Variants in PITPNM1 observed in about 807,000 individuals in gnomAD.
PITPNM1 encodes the protein phosphatidylinositol transfer protein membrane associated 1.
In PITPNM1, 74 loss-of-function variants were observed where a neutral mutation model predicts 133.3. The observed-to-expected ratio is 0.56, with a 90% CI of 0.46 to 0.67. PITPNM1 has a LOEUF of 0.67. PITPNM1 is among the 30% of genes least tolerant of loss of function. The probability of loss-of-function intolerance (pLI) is 0.00; values close to 1 mark genes in which losing one functional copy is unlikely to be tolerated. For missense variants in PITPNM1, 1,398 were observed against 1,739.5 expected (o/e 0.80, Z 3.49); for synonymous variants, 738 against 741.4 (o/e 1.00, Z 0.08).
chr11:67,498,502 C>T lies in PITPNM1; in HGVS notation c.1484+94G>A. ...AGGTCCAGCCATGCCAGTGACCGACCCAGGTGTCTGGCTTCCTGACCCCTT... is the reference window on the plus strand; with the variant it reads ...AGGTCCAGCCATGCCAGTGACCGACTCAGGTGTCTGGCTTCCTGACCCCTT... On this transcript the variant is annotated intron_variant, in intron 10 of 23. Coordinates refer to ENST00000356404, the MANE Select transcript of PITPNM1 (RefSeq NM_004910.3). This position sits in a 1 kb window ranked among gnomAD's most constrained non-coding sequence, Gnocchi z 5.7. 2.0e-6 allele frequency: 3 copies of T among 1,525,502 alleles called. No individual in the cohort carries two copies. The highest frequency in any genetic ancestry group is 2.6e-6 in the Non-Finnish European group (3 of 1,133,718). The allele number at this position is 1,525,502 out of a possible 1,614,324, so 94.5% of individuals were successfully genotyped here. A position where few individuals can be genotyped will look rare whatever the true frequency, so the allele number is the denominator to read the frequency against.
At chr11:67,499,558 C>CA in intron 8 of PITPNM1, 165 bp downstream of exon 8, 1 of 123,760 alleles carries the variant, frequency 8.1e-6, no homozygotes, top group Non-Finnish European at 1.5e-5. Context: ...TCCATCCATC[C>CA]ACCCATCCAT....
rs1451801303 is a variant in PITPNM1, at chr11:67,499,900, G to GCCTC, written c.1063+10_1063+13dup. 1 of 1,607,294 alleles carries GCCTC rather than the reference G, an allele frequency of 6.2e-7. No homozygotes were observed. The highest frequency in any genetic ancestry group is 1.7e-5 in the Admixed American group (1 of 59,932). ...GGGGACATCCCCACTCCCAAAAAGG[G>GCCTC]CCTCAGTGCTGACCGTGGGCATCAA... On this transcript the variant is annotated intron_variant, in intron 7 of 23. Transcript: ENST00000356404.
intron 23 of PITPNM1, 152 bp from the exon 24 acceptor site, chr11:67,492,448 C>T: frequency 3.9e-6 from 3 of 774,952 alleles, no homozygotes; most frequent in Non-Finnish European, 5.9e-6. Flanking sequence ...GATAGGACCC[C>T]AGGCTGGGAG....
chr11:67,494,222 G>A lies in PITPNM1; in HGVS notation c.2859+22C>T, dbSNP rs752852839. On this transcript the variant is annotated intron_variant, in intron 19 of 23. Coordinates refer to ENST00000356404, the MANE Select transcript of PITPNM1 (RefSeq NM_004910.3). ...AGGAGATGGGGCCATGGGACCAGGCGACAGGGCCTCTGGGTCCTGACCTTC... is the reference window on the plus strand; with the variant it reads ...AGGAGATGGGGCCATGGGACCAGGCAACAGGGCCTCTGGGTCCTGACCTTC... 1.1e-5 allele frequency: 17 copies of A among 1,602,524 alleles called. No homozygotes were observed. The South Asian group carries it at 1.2e-4, about 11-fold the overall frequency.
intron 23 of PITPNM1, 94 bp from the exon 24 acceptor site, chr11:67,492,390 G>C (rs1865958568): frequency 7.7e-7 from 1 of 1,306,958 alleles, no homozygotes; most frequent in South Asian, 1.5e-5. Context: ...GGCAGGCTGG[G>C]GGACTGGTGG....
rs777089832 is a variant in PITPNM1, at chr11:67,497,324, G to T, written c.2053C>A (p.Arg685Ser). 6.2e-7 allele frequency: 1 copy of T among 1,611,862 alleles called. No individual in the cohort carries two copies. The highest frequency in any genetic ancestry group is 2.2e-5 in the East Asian group (1 of 44,862). Reference protein sequence around the residue: ...EAPDGPSSTARLDFKVSGFFL... With the variant: ...EAPDGPSSTASLDFKVSGFFL... ...AAGCCAGAGACCTTGAAGTCAAGGC[G>T]GGCAGTGCTGCTGGGGCCGTCAGGT... The change falls in exon 14 of 24, where the codon CGC (arginine) becomes AGC (serine). Residue 685 changes from arginine (R) to serine (S), a missense_variant. Physicochemically the swap from Arg to Ser is moderately radical, Grantham distance 110. Coordinates refer to ENST00000356404, the MANE Select transcript of PITPNM1 (RefSeq NM_004910.3).
rs763975761 is a variant in PITPNM1 at position 67,498,148 on chromosome 11, G to A, written c.1659C>T (p.Ala553=). The part of the protein sequence containing the change: ...YSAFLRSPEG[A]GFCGQVALIG... ...AACCGCTGACCTGCCCACAGAAGCCGGCACCCTCAGGTGAGCGCAGGAAGG... is the reference window on the plus strand; with the variant it reads ...AACCGCTGACCTGCCCACAGAAGCCAGCACCCTCAGGTGAGCGCAGGAAGG... Residue 553 remains alanine, a synonymous_variant, in exon 11 of 24, where the codon GCC becomes GCT. Coordinates refer to ENST00000356404, the MANE Select transcript of PITPNM1 (RefSeq NM_004910.3). The surrounding 1 kb of genome is among the most constrained non-coding windows in gnomAD (Gnocchi z 5.7). 3.7e-6 allele frequency: 6 copies of A among 1,612,806 alleles called. No homozygotes were observed. The East Asian group carries it at 6.7e-5, about 18-fold the overall frequency.
rs558592732 is a variant in PITPNM1 at position 67,502,139 on chromosome 11, C to T, written c.416-53G>A. ...GCGCCAGCCCCTTTGAGCCCCCGCT[C>T]CTGGCACCCTCTTGGGACTGGATGA... On this transcript the variant is annotated intron_variant, in intron 4 of 23. Transcript: ENST00000356404. This position sits in a 1 kb window ranked among gnomAD's most constrained non-coding sequence, Gnocchi z 5.9. 6.4e-7 allele frequency: 1 copy of T among 1,574,660 alleles called. No homozygotes were observed. Among genetic ancestry groups the T allele is most frequent in the South Asian group, 1.1e-5 (1 of 87,922 alleles).
At position 67,502,332 on chromosome 11, in the gene PITPNM1, G is replaced by C; in HGVS notation, c.375C>G (p.Val125=). The change falls in exon 4 of 24, where the codon GTC becomes GTG. Residue 125 remains valine, a synonymous_variant. Coordinates refer to ENST00000356404, the MANE Select transcript of PITPNM1 (RefSeq NM_004910.3). This position sits in a 1 kb window ranked among gnomAD's most constrained non-coding sequence, Gnocchi z 5.9. ...YLPDGGQQPN[V]FNLSGAERRQ... The stretch of plus-strand genomic sequence containing the variant: ...TCCTCTCGGCCCCGCTCAGGTTGAA[G>C]ACGTTTGGCTGCTGCCCCCCATCAG... The C allele has an allele frequency of 6.2e-7, 1 of 1,613,700 alleles. No homozygotes were observed. The highest frequency in any genetic ancestry group is 8.5e-7 in the Non-Finnish European group (1 of 1,180,030).
rs1283620224 is a variant in PITPNM1, at chr11:67,499,662, T to C, written c.1171+61A>G. 1.1e-5 allele frequency: 8 copies of C among 705,628 alleles called. 1 individual carries two copies. In the South Asian group the frequency reaches 1.6e-4, roughly 14 times the overall value. The allele number at this position is 705,628 out of a possible 1,614,324, so 43.7% of individuals were successfully genotyped here. On this transcript the variant is annotated intron_variant, in intron 8 of 23. Transcript: ENST00000356404. ...GATTGCCTCTCATCTTAAGATGCCA[T>C]TAAACTCATGACCTGCTGTACACGG... is the stretch of plus-strand genomic sequence containing the variant.
rs766029171 is a variant in PITPNM1, at chr11:67,495,199, G to A, written c.2509C>T (p.Arg837Trp). Residue 837 changes from arginine (R) to tryptophan (W), a missense_variant, in exon 17 of 24, where the codon CGG (arginine) becomes TGG (tryptophan). By Grantham distance (101) the Arg-to-Trp change is moderately radical. Around this residue, in one of 5 missense-constraint regions of PITPNM1, gnomAD observed 574 missense variants for 698.7 expected, o/e 0.82. Coordinates refer to ENST00000356404, the MANE Select transcript of PITPNM1 (RefSeq NM_004910.3). Reference protein sequence around the residue: ...KILERWWGTKRIDYSLYCPEA... With the variant: ...KILERWWGTKWIDYSLYCPEA... ...GGGCAGTACAGCGAGTAGTCGATCC[G>A]CTTGGTCCCCCACCAGCGCTCCAGG... is the stretch of plus-strand genomic sequence containing the variant. The A allele has an allele frequency of 1.2e-6, 2 of 1,605,318 alleles. No homozygotes were observed. Among genetic ancestry groups the A allele is most frequent in the Non-Finnish European group, 1.7e-6 (2 of 1,175,782 alleles).
At chr11:67,492,680 C>G (rs913383713) in intron 23 of PITPNM1, among the ~76,000 whole-genome samples, 3 of 152,380 alleles carry the variant, frequency 2.0e-5, no homozygotes, top group East Asian at 1.9e-4. Flanking sequence ...AGAAAGGTCA[C>G]AGTGGAAAGC....
Position 67,497,997 on chromosome 11 carries a change from C to T in PITPNM1, c.1702G>A (p.Gly568Ser), listed in dbSNP as rs1020633364. 1 of 1,610,728 alleles carries T rather than the reference C, an allele frequency of 6.2e-7. No homozygotes were observed. Among genetic ancestry groups the T allele is most frequent in the African/African-American group, 1.3e-5 (1 of 74,938 alleles). Residue 568 changes from glycine to serine, a missense_variant, in exon 12 of 24, where the codon GGC becomes AGC. By Grantham distance (56) the Gly-to-Ser change is moderately conservative. Coordinates refer to ENST00000356404, the MANE Select transcript of PITPNM1 (RefSeq NM_004910.3). ...QVALIGDGVG[G>S]ILGFDALCHS... Reference sequence around the variant, plus strand: ...CAGAGTGCATCAAAGCCCAGGATGCCACCAACACCATCTCCAATCAGTGCG... The same window carrying T: ...CAGAGTGCATCAAAGCCCAGGATGCTACCAACACCATCTCCAATCAGTGCG...
At chr11:67,503,890 C>T in intron 2 of PITPNM1, 1 of 481,174 alleles carries the variant, frequency 2.1e-6, no homozygotes, top group South Asian at 2.8e-5. Context: ...AGGAGGATTA[C>T]AGGAGATCAG....
At position 67,502,194 on chromosome 11, in the gene PITPNM1, G is replaced by A. The variant is rs558940208; in HGVS notation, c.415+98C>T. On this transcript the variant is annotated intron_variant, in intron 4 of 23. Coordinates refer to ENST00000356404, the MANE Select transcript of PITPNM1 (RefSeq NM_004910.3). The surrounding 1 kb of genome is among the most constrained non-coding windows in gnomAD (Gnocchi z 5.9). ...TCCCGTCCTTTTGCAGACAGGACATGAGGCCTGGAGAGGGCTGGGACTTCT... is the reference window on the plus strand; with the variant it reads ...TCCCGTCCTTTTGCAGACAGGACATAAGGCCTGGAGAGGGCTGGGACTTCT... The A allele has an allele frequency of 2.8e-3, 4,442 of 1,559,076 alleles. 12 individuals are homozygous for A. The highest frequency in any genetic ancestry group is 4.3e-3 in the Middle Eastern group (22 of 5,154).
At chr11:67,505,988 A>G (rs1866499584), upstream of PITPNM1, among the ~76,000 whole-genome samples, 2 of 152,300 alleles carry the variant, frequency 1.3e-5, no homozygotes, top group Non-Finnish European at 2.9e-5. This position sits in a 1 kb window ranked among gnomAD's most constrained non-coding sequence, Gnocchi z 5.8. Flanking sequence ...GGTTCATGGG[A>G]TCCCACCCAG....
At chr11:67,497,787 G>T in intron 12 of PITPNM1, 108 bp from the exon 13 acceptor site, 1 of 1,514,544 alleles carries the variant, frequency 6.6e-7, no homozygotes, top group Non-Finnish European at 9.0e-7. Context: ...CAGAATTCCA[G>T]AGAAGACATG....
chr11:67,502,196 G>A lies in PITPNM1; in HGVS notation c.415+96C>T. ...CCGTCCTTTTGCAGACAGGACATGA[G>A]GCCTGGAGAGGGCTGGGACTTCTCA... On this transcript the variant is annotated intron_variant, in intron 4 of 23. Coordinates refer to ENST00000356404, the MANE Select transcript of PITPNM1 (RefSeq NM_004910.3). This position sits in a 1 kb window ranked among gnomAD's most constrained non-coding sequence, Gnocchi z 5.9. The A allele has an allele frequency of 6.4e-7, 1 of 1,562,630 alleles. No individual in the cohort carries two copies. The highest frequency in any genetic ancestry group is 2.2e-5 in the East Asian group (1 of 44,476).
chr11:67,496,062 G>T, intron 15 of PITPNM1, 116 bp downstream of exon 15: 1 of 991,922 alleles, frequency 1.0e-6, no homozygotes, highest in Non-Finnish European at 1.4e-6. Flanking sequence ...CTGGTCCTGG[G>T]AGTGGTGGCC....
Sources: allele counts gnomAD v4.1 joint callset (sites outside exome capture counted in the v4.1 genomes callset), GRCh38; gene constraint gnomAD v4.1.1; regional missense constraint gnomAD v4.1.1; non-coding constraint Gnocchi (gnomAD v3.1); transcripts MANE v1.5; gene names NCBI Gene and HGNC (gene_info 2026-07-23, HGNC 2026-07-21).